The following PRUNE2 variants were observed in gnomAD, a reference collection of about 807,000 sequenced individuals.
PRUNE2 encodes protein prune homolog 2.
PRUNE2 carries 164 observed loss-of-function variants against 252.0 expected under a neutral mutation model. The observed-to-expected ratio is 0.65, with a 90% CI of 0.57 to 0.74. The LOEUF (loss-of-function observed/expected upper bound fraction) is 0.74, where lower values mean the gene tolerates loss of function less well. Among genes scored for constraint, PRUNE2 ranks in the 30% least tolerant of loss-of-function variants. The pLI, the probability that PRUNE2 is intolerant of heterozygous loss-of-function variation, is 0.00. For synonymous variants in PRUNE2, 1,292 were observed against 1,350.2 expected (o/e 0.96, Z 0.94); for missense variants, 3,495 against 3,711.0 (o/e 0.94, Z 1.51).
rs577237307 is a variant in PRUNE2, at chr9:76,701,140, G to A, written c.8276+2197C>T. On this transcript the variant is annotated intron_variant, in intron 9 of 18. Transcript: ENST00000376718. Reference sequence around the variant, plus strand: ...CCTCACCCCCAGAGTTCCTGATTCCGGAGGTCTGAGTCGGAGCCGATAATT... The same window carrying A: ...CCTCACCCCCAGAGTTCCTGATTCCAGAGGTCTGAGTCGGAGCCGATAATT... 3.3e-5 allele frequency among the ~76,000 whole-genome samples: 5 copies of A among 152,256 alleles called. No individual in the cohort carries two copies. In the South Asian group the frequency reaches 8.3e-4, roughly 25 times the overall value.
rs572317340 is a variant in PRUNE2 at position 76,849,792 on chromosome 9, C to T, written c.344+671G>A. Among the ~76,000 whole-genome samples the T allele has an allele frequency of 1.4e-3, 215 of 152,090 alleles. 1 individual carries two copies. Among genetic ancestry groups the T allele is most frequent in the African/African-American group, 4.9e-3 (202 of 41,486 alleles). On this transcript the variant is annotated intron_variant, in intron 3 of 18. Transcript: ENST00000376718. ...AGTGAGCCGAGATGGAGCCAATGCA[C>T]GCCAGCCTGGGCGAGAGATCGAGAC...
chr9:76,867,164 C>G (rs1461225688), intron 1 of PRUNE2, among the ~76,000 whole-genome samples: 1 of 152,150 alleles, frequency 6.6e-6, no homozygotes, highest in Non-Finnish European at 1.5e-5. Context: ...TCTCCTCCCC[C>G]ACCAACTGCT....
Position 76,613,972 on chromosome 9 carries a change from A to C in PRUNE2, c.*598T>G, listed in dbSNP as rs1828255877. 1 of 152,242 alleles carries C rather than the reference A, an allele frequency of 6.6e-6. No individual in the cohort carries two copies. Among genetic ancestry groups the C allele is most frequent in the Non-Finnish European group, 1.5e-5 (1 of 68,054 alleles). The allele number at this position is 152,242 out of a possible 1,614,324, so 9.4% of individuals were successfully genotyped here. A position where few individuals can be genotyped will look rare whatever the true frequency, so the allele number is the denominator to read the frequency against. Reference sequence around the variant, plus strand: ...AATGCCCAATTTGACAACTAAAATAAAGTTGACGTGGATTAGAAAGCCCGG... The same window carrying C: ...AATGCCCAATTTGACAACTAAAATACAGTTGACGTGGATTAGAAAGCCCGG... On this transcript the variant is annotated 3_prime_UTR_variant, in exon 19 of 19. Transcript: ENST00000376718.
chr9:76,897,098 G>C (rs1179196765), intron 1 of PRUNE2, among the ~76,000 whole-genome samples: 1 of 152,184 alleles, frequency 6.6e-6, no homozygotes, highest in African/African-American at 2.4e-5. Context: ...AGTAACATTG[G>C]TTGATATTCT....
At chr9:76,904,178 T>C (rs545671530) in intron 1 of PRUNE2, among the ~76,000 whole-genome samples, 58 of 152,288 alleles carry the variant, frequency 3.8e-4, no homozygotes, top group Admixed American at 7.2e-4. Flanking sequence ...GTAATTGTTC[T>C]GGCTAAGACA....
At chr9:76,814,028 G>A (rs184034211) in intron 6 of PRUNE2, among the ~76,000 whole-genome samples, 3 of 152,288 alleles carry the variant, frequency 2.0e-5, no homozygotes, top group East Asian at 1.9e-4. Flanking sequence ...TGGCCAGGCT[G>A]GTCTCTAACT....
At chr9:76,811,245 G>C (rs978516158) in intron 6 of PRUNE2, among the ~76,000 whole-genome samples, 1 of 152,190 alleles carries the variant, frequency 6.6e-6, no homozygotes, top group African/African-American at 2.4e-5. Flanking sequence ...ACTATGTCCT[G>C]AGGGTTTCCC....
chr9:76,666,162 G>A (rs557875688), intron 9 of PRUNE2, among the ~76,000 whole-genome samples: 17 of 152,240 alleles, frequency 1.1e-4, no homozygotes, highest in Admixed American at 1.3e-4. Context: ...TTGGTCTAGC[G>A]GTAATGCCAG....
intron 6 of PRUNE2, among the ~76,000 whole-genome samples, chr9:76,767,405 T>G (rs1250579180): frequency 6.6e-6 from 1 of 151,882 alleles, no homozygotes; most frequent in Non-Finnish European, 1.5e-5. Flanking sequence ...GAGACAAGAT[T>G]GTGCCACTGC....
intron 1 of PRUNE2, chr9:76,862,194 A>C (rs2060589737): frequency 6.6e-6 from 1 of 152,336 alleles, no homozygotes; most frequent in South Asian, 2.1e-4. Flanking sequence ...CGAGGCAGGC[A>C]GATCACCTGA....
At chr9:76,619,447 G>A in intron 17 of PRUNE2, 60 bp from the exon 18 acceptor site, 1 of 1,206,728 alleles carries the variant, frequency 8.3e-7, no homozygotes, top group Middle Eastern at 1.9e-4. Context: ...CACTGTGAAA[G>A]CACAACAGAT....
intron 1 of PRUNE2, among the ~76,000 whole-genome samples, chr9:76,855,436 A>T (rs576233576): frequency 2.8e-3 from 394 of 142,066 alleles, no homozygotes; most frequent in African/African-American, 9.8e-3. Flanking sequence ...TATTTTAATT[A>T]AAAAAAAAAG....
At chr9:76,614,771 G>C (rs1828644303) in intron 18 of PRUNE2, among the ~76,000 whole-genome samples, 171 bp from the exon 19 acceptor site, 1 of 152,114 alleles carries the variant, frequency 6.6e-6, no homozygotes, top group Non-Finnish European at 1.5e-5. Context: ...TCCTCCTCTT[G>C]TCAGGCTTTT....
chr9:76,736,099 T>C (rs928429846), intron 6 of PRUNE2, among the ~76,000 whole-genome samples: 1 of 151,944 alleles, frequency 6.6e-6, no homozygotes, highest in Admixed American at 6.6e-5. Context: ...CTGATGAAAA[T>C]ATTTTTCAGC....
At chr9:76,894,377 G>T (rs1298531495) in intron 1 of PRUNE2, among the ~76,000 whole-genome samples, 1 of 152,158 alleles carries the variant, frequency 6.6e-6, no homozygotes, top group Non-Finnish European at 1.5e-5. Flanking sequence ...ATCAAGAATG[G>T]GGGACAGAAC....
Position 76,710,109 on chromosome 9 carries a change from T to C in PRUNE2, c.2165A>G (p.Gln722Arg). ...AATATCATTGCTACCCAGTTCAGGCTGACCAAATTCAGACTCCCAGGGACC... is the reference window on the plus strand; with the variant it reads ...AATATCATTGCTACCCAGTTCAGGCCGACCAAATTCAGACTCCCAGGGACC... Reference protein sequence around the residue: ...KSGPWESEFGQPELGSNDIQD... With the variant: ...KSGPWESEFGRPELGSNDIQD... Residue 722 changes from glutamine to arginine, a missense_variant, in exon 8 of 19, where the codon CAG (glutamine) becomes CGG (arginine). Physicochemically the swap from Gln to Arg is conservative, Grantham distance 43. Coordinates refer to ENST00000376718, the MANE Select transcript of PRUNE2 (RefSeq NM_015225.3). 6.2e-7 allele frequency: 1 copy of C among 1,613,970 alleles called. No individual in the cohort carries two copies. The highest frequency in any genetic ancestry group is 8.5e-7 in the Non-Finnish European group (1 of 1,179,884).
At chr9:76,718,128 T>C (rs1014419011) in intron 6 of PRUNE2, among the ~76,000 whole-genome samples, 1 of 152,206 alleles carries the variant, frequency 6.6e-6, no homozygotes, top group Non-Finnish European at 1.5e-5. Flanking sequence ...CCCCATAGAT[T>C]ACTCCATTCA....
chr9:76,615,385 G>T, intron 18 of PRUNE2: 2 of 268,126 alleles, frequency 7.5e-6, no homozygotes, highest in Non-Finnish European at 1.1e-5. Flanking sequence ...TGAGCCATAA[G>T]CTTGCATGTT....
At chr9:76,839,574 C>T (rs753819071) in intron 4 of PRUNE2, among the ~76,000 whole-genome samples, 1 of 152,148 alleles carries the variant, frequency 6.6e-6, no homozygotes, top group Non-Finnish European at 1.5e-5. Flanking sequence ...GGAGAGATGA[C>T]GTGGTGGTCT....
Sources: gnomAD v4.1 joint callset for allele counts (sites outside exome capture counted in the v4.1 genomes callset) on GRCh38, gnomAD v4.1.1 for gene constraint, MANE v1.5 for transcripts, NCBI Gene and HGNC (gene_info 2026-07-23, HGNC 2026-07-21) for gene names.